The following INPP4B variants were observed in gnomAD, a reference collection of about 807,000 sequenced individuals.
INPP4B encodes the protein inositol polyphosphate 4-phosphatase type II.
Under a neutral mutation model 122.5 loss-of-function variants are expected in INPP4B, and 55 were observed. That is an observed-to-expected ratio of 0.45 (90% CI 0.36 to 0.56). The LOEUF is 0.56. Ranked by LOEUF, INPP4B falls within the 20% of genes least tolerant of loss-of-function variation. The probability of loss-of-function intolerance (pLI) is 0.00; values close to 1 mark genes in which losing one functional copy is unlikely to be tolerated. For synonymous variants in INPP4B, 403 were observed against 388.7 expected (o/e 1.04, Z -0.43); for missense variants, 1,000 against 1,097.7 (o/e 0.91, Z 1.26).
chr4:142,240,066 G>A lies in INPP4B; in HGVS notation c.689-2055C>T, dbSNP rs527976976. On this transcript the variant is annotated intron_variant, in intron 11 of 25. Coordinates refer to ENST00000262992, the MANE Select transcript of INPP4B (RefSeq NM_001101669.3). ...GAATCCTTCTAATTTTTAGTTTATT[G>A]TTTTCTTTTTTTTTTTTTTTGAGAC... Among the ~76,000 whole-genome samples, 74 of 134,228 alleles carry A rather than the reference G, an allele frequency of 5.5e-4. 1 individual carries two copies. The highest frequency in any genetic ancestry group is 8.7e-3 in the Middle Eastern group (2 of 230). 88.1% of individuals were successfully genotyped at this position (134,228 alleles called of 152,430 possible).
chr4:142,633,595 G>T (rs1748459798), intron 2 of INPP4B, among the ~76,000 whole-genome samples: 1 of 152,090 alleles, frequency 6.6e-6, no homozygotes. Flanking sequence ...TTCCTAAATG[G>T]ATATAATGGG....
At chr4:142,469,452 G>T (rs895175809) in intron 2 of INPP4B, among the ~76,000 whole-genome samples, 1 of 152,094 alleles carries the variant, frequency 6.6e-6, no homozygotes, top group African/African-American at 2.4e-5. Flanking sequence ...TATATTTTTA[G>T]TATAATTCCA....
intron 23 of INPP4B, among the ~76,000 whole-genome samples, chr4:142,089,480 C>CACACACACAG (rs1211478932): frequency 2.2e-5 from 3 of 134,964 alleles, no homozygotes; most frequent in African/African-American, 8.0e-5. Context: ...CACACACACA[C>CACACACACAG]AGAGAGAGAG....
At chr4:142,347,650 CATTA>C (rs1453653030) in intron 7 of INPP4B, 31 of 329,816 alleles carry the variant, frequency 9.4e-5, no homozygotes, top group South Asian at 5.5e-4. Context: ...TTTAAAAATT[CATTA>C]ATTAAAATAT....
chr4:142,164,702 G>A (rs571959136), intron 16 of INPP4B, among the ~76,000 whole-genome samples: 21 of 151,624 alleles, frequency 1.4e-4, no homozygotes, highest in African/African-American at 4.8e-4. Context: ...AAACCCTCAA[G>A]TGCACTCTTT....
At chr4:142,270,986 C>A (rs565435712) in intron 9 of INPP4B, among the ~76,000 whole-genome samples, 1 of 149,938 alleles carries the variant, frequency 6.7e-6, no homozygotes, top group African/African-American at 2.5e-5. Flanking sequence ...TTTTTGAGAT[C>A]AAGTTTTGCT....
chr4:142,126,520 T>G lies in INPP4B; in HGVS notation c.1721-1760A>C, dbSNP rs188790769. 4.6e-5 allele frequency among the ~76,000 whole-genome samples: 7 copies of G among 152,290 alleles called. No homozygotes were observed. The East Asian group carries it at 1.3e-3, about 29-fold the overall frequency. On this transcript the variant is annotated intron_variant, in intron 18 of 25. Transcript: ENST00000262992. ...AGTAATACTCTATGAAATGCCTATG[T>G]GATGTCATAATGTAAAATACATTAG...
intron 1 of INPP4B, among the ~76,000 whole-genome samples, chr4:142,826,253 CAAGAG>C (rs1384497665): frequency 6.6e-6 from 1 of 152,108 alleles, no homozygotes; most frequent in Non-Finnish European, 1.5e-5. Flanking sequence ...TTTGGCTGCA[CAAGAG>C]AATGAGGCTA....
At chr4:142,279,609 T>C (rs1398306048) in intron 9 of INPP4B, among the ~76,000 whole-genome samples, 1 of 151,760 alleles carries the variant, frequency 6.6e-6, no homozygotes, top group Admixed American at 6.6e-5. Flanking sequence ...AAGTAGTTCA[T>C]ATACCTAAAT....
At chr4:142,141,502 A>G (rs1051725418) in intron 18 of INPP4B, among the ~76,000 whole-genome samples, 9 of 152,130 alleles carry the variant, frequency 5.9e-5, no homozygotes, top group Admixed American at 4.6e-4. Flanking sequence ...TCATTAGGAA[A>G]CCACATAAAT....
At chr4:142,707,978 G>A (rs1446063449) in intron 2 of INPP4B, among the ~76,000 whole-genome samples, 1 of 152,192 alleles carries the variant, frequency 6.6e-6, no homozygotes, top group Non-Finnish European at 1.5e-5. Context: ...TCCAGGCTAA[G>A]GTGCTCTCAG....
intron 2 of INPP4B, among the ~76,000 whole-genome samples, chr4:142,717,521 A>T (rs974955363): frequency 6.6e-6 from 1 of 152,194 alleles, no homozygotes; most frequent in African/African-American, 2.4e-5. Flanking sequence ...CTGGATTAAG[A>T]AAATGTGGCA....
chr4:142,312,207 A>G (rs1434865102), intron 8 of INPP4B, among the ~76,000 whole-genome samples: 1 of 152,200 alleles, frequency 6.6e-6, no homozygotes, highest in Non-Finnish European at 1.5e-5. Flanking sequence ...TGAGGCAAGC[A>G]ATCTCATTAA....
intron 2 of INPP4B, among the ~76,000 whole-genome samples, chr4:142,613,353 A>C (rs887286044): frequency 1.3e-5 from 2 of 152,214 alleles, no homozygotes; most frequent in Non-Finnish European, 2.9e-5. Context: ...TGAAGATAAC[A>C]AATGCATGCT....
chr4:142,328,636 T>A (rs1579749763), intron 7 of INPP4B, among the ~76,000 whole-genome samples: 1 of 151,994 alleles, frequency 6.6e-6, no homozygotes, highest in Admixed American at 6.6e-5. Flanking sequence ...CTCAGTATAT[T>A]TTTTTTGGTT....
intron 11 of INPP4B, among the ~76,000 whole-genome samples, chr4:142,241,657 G>T (rs1226689061): frequency 1.3e-5 from 2 of 152,152 alleles, no homozygotes; most frequent in African/African-American, 2.4e-5. Flanking sequence ...AGATAGAAAA[G>T]ACTGTTGCTC....
chr4:142,378,783 T>G (rs1203314342), intron 7 of INPP4B, among the ~76,000 whole-genome samples: 1 of 152,180 alleles, frequency 6.6e-6, no homozygotes, highest in Non-Finnish European at 1.5e-5. Flanking sequence ...CACATGCTTA[T>G]AATTAAAACA....
intron 7 of INPP4B, among the ~76,000 whole-genome samples, chr4:142,374,507 C>G (rs1189572852): frequency 1.3e-5 from 2 of 151,818 alleles, no homozygotes; most frequent in Non-Finnish European, 2.9e-5. Context: ...GTATGGGAAA[C>G]AGCATATATG....
chr4:142,528,146 T>G (rs1250254640), intron 2 of INPP4B, among the ~76,000 whole-genome samples: 2 of 152,132 alleles, frequency 1.3e-5, no homozygotes, highest in Non-Finnish European at 2.9e-5. Flanking sequence ...TATAAAGTAC[T>G]TCTACTACAT....
Sources: gnomAD v4.1 joint callset for allele counts (sites outside exome capture counted in the v4.1 genomes callset) on GRCh38, gnomAD v4.1.1 for gene constraint, MANE v1.5 for transcripts, NCBI Gene and HGNC (gene_info 2026-07-23, HGNC 2026-07-21) for gene names.